Variants in PXDNL observed in about 807,000 individuals in gnomAD.
The protein encoded by PXDNL is peroxidasin like.
In PXDNL, 145 loss-of-function variants were observed where a neutral mutation model predicts 150.8. That is an observed-to-expected ratio of 0.96 (90% CI 0.84 to 1.10). The LOEUF (loss-of-function observed/expected upper bound fraction) is 1.10, where lower values mean the gene tolerates loss of function less well. Among genes scored for constraint, PXDNL ranks in the 50% least tolerant of loss-of-function variants. The probability of loss-of-function intolerance (pLI) is 0.00; values close to 1 mark genes in which losing one functional copy is unlikely to be tolerated. For missense variants in PXDNL, 2,087 were observed against 1,873.9 expected, an observed-to-expected ratio of 1.11 and a Z score of -2.10; for synonymous variants, 757 against 725.7, an observed-to-expected ratio of 1.04 and a Z score of -0.69.
At chr8:51,802,480 T>C (rs188512837) in intron 1 of PXDNL, among the ~76,000 whole-genome samples, 3 of 152,334 alleles carry the variant, frequency 2.0e-5, no homozygotes, top group Non-Finnish European at 4.4e-5. Context: ...TCTGTGAATT[T>C]TTTTTCAGGT....
chr8:51,693,350 C>T (rs1816040654), intron 1 of PXDNL, among the ~76,000 whole-genome samples: 1 of 152,218 alleles, frequency 6.6e-6, no homozygotes, highest in Non-Finnish European at 1.5e-5. Flanking sequence ...ACATTAGGAT[C>T]AGTAGCAATA....
At chr8:51,733,718 G>C (rs988569158) in intron 1 of PXDNL, among the ~76,000 whole-genome samples, 2 of 151,516 alleles carry the variant, frequency 1.3e-5, no homozygotes, top group African/African-American at 4.9e-5. Context: ...TGAGGCAGGA[G>C]AATCACTTGA....
At chr8:51,480,193 C>A (rs1810569277) in intron 6 of PXDNL, among the ~76,000 whole-genome samples, 2 of 152,094 alleles carry the variant, frequency 1.3e-5, no homozygotes, top group Admixed American at 1.3e-4. Context: ...GAAGAGCAAC[C>A]ACAACAAAAG....
intron 5 of PXDNL, among the ~76,000 whole-genome samples, chr8:51,491,275 T>A (rs1585519235): frequency 1.3e-5 from 2 of 152,132 alleles, no homozygotes; most frequent in South Asian, 4.1e-4. Flanking sequence ...CATCTATCTA[T>A]CCTATTAATT....
At chr8:51,521,100 A>G (rs1054797774) in intron 4 of PXDNL, among the ~76,000 whole-genome samples, 5 of 152,032 alleles carry the variant, frequency 3.3e-5, no homozygotes, top group African/African-American at 1.2e-4. Flanking sequence ...AATATTAGCC[A>G]GGCATTGTAT....
chr8:51,514,506 T>A (rs549021850), intron 4 of PXDNL, among the ~76,000 whole-genome samples: 2 of 152,338 alleles, frequency 1.3e-5, no homozygotes, highest in Non-Finnish European at 2.9e-5. Context: ...CATGTTTTGA[T>A]AATTCAAATG....
intron 19 of PXDNL, among the ~76,000 whole-genome samples, chr8:51,366,187 C>T (rs1374619044): frequency 6.6e-6 from 1 of 152,158 alleles, no homozygotes; most frequent in Admixed American, 6.5e-5. Flanking sequence ...TAAGTTTGGC[C>T]TAAAGATGTC....
chr8:51,741,238 T>A (rs964530035), intron 1 of PXDNL, among the ~76,000 whole-genome samples: 2 of 152,190 alleles, frequency 1.3e-5, no homozygotes, highest in Admixed American at 6.5e-5. Context: ...AATTTATCAA[T>A]TTTTTCTAGA....
chr8:51,798,751 A>G (rs1375597147), intron 1 of PXDNL, among the ~76,000 whole-genome samples: 5 of 152,206 alleles, frequency 3.3e-5, no homozygotes, highest in Non-Finnish European at 7.3e-5. Context: ...AAATTAGTTC[A>G]ACCATTGTGG....
In PXDNL at chr8:51,319,823, G is replaced by T; in HGVS notation, c.*68C>A. The T allele has an allele frequency of 7.3e-7, 1 of 1,365,602 alleles. No individual in the cohort carries two copies. Among genetic ancestry groups the T allele is most frequent in the Non-Finnish European group, 9.6e-7 (1 of 1,044,710 alleles). The allele number at this position is 1,365,602 out of a possible 1,614,324, so 84.6% of individuals were successfully genotyped here. ...TCAACAATGTGACTACAAGTTAAAA[G>T]TTCTGAAGTCCTAAATGTCTCTTCC... On this transcript the variant is annotated 3_prime_UTR_variant, in exon 23 of 23. Coordinates refer to ENST00000356297, the MANE Select transcript of PXDNL (RefSeq NM_144651.5).
chr8:51,580,745 A>G (rs879420448), intron 3 of PXDNL, among the ~76,000 whole-genome samples: 1 of 152,192 alleles, frequency 6.6e-6, no homozygotes, highest in East Asian at 1.9e-4. Flanking sequence ...AGAAGGATAC[A>G]ACAGCTATAT....
chr8:51,585,625 G>T (rs150906055), intron 3 of PXDNL, among the ~76,000 whole-genome samples: 2 of 152,244 alleles, frequency 1.3e-5, no homozygotes, highest in Admixed American at 6.5e-5. Context: ...CTGGTTTGGA[G>T]TGAGTAGAAG....
chr8:51,498,529 G>A (rs1811109293), intron 5 of PXDNL, among the ~76,000 whole-genome samples: 1 of 152,034 alleles, frequency 6.6e-6, no homozygotes, highest in Non-Finnish European at 1.5e-5. Context: ...AACAGAAGAA[G>A]GATATCCAAG....
intron 2 of PXDNL, among the ~76,000 whole-genome samples, chr8:51,633,509 C>G (rs1814535423): frequency 6.6e-6 from 1 of 152,162 alleles, no homozygotes; most frequent in African/African-American, 2.4e-5. Context: ...TTCCCACCAA[C>G]AGCATATATG....
chr8:51,508,699 T>C (rs1194706739), intron 4 of PXDNL, among the ~76,000 whole-genome samples: 1 of 152,136 alleles, frequency 6.6e-6, no homozygotes, highest in East Asian at 1.9e-4. Flanking sequence ...ATACCCACAT[T>C]GCACAGCCAG....
At chr8:51,747,584 G>A (rs994703102) in intron 1 of PXDNL, among the ~76,000 whole-genome samples, 1 of 152,104 alleles carries the variant, frequency 6.6e-6, no homozygotes, top group African/African-American at 2.4e-5. Context: ...AGTTGATGCC[G>A]TTTTTTTGAG....
At chr8:51,600,476 T>C (rs951285430) in intron 2 of PXDNL, among the ~76,000 whole-genome samples, 1 of 136,884 alleles carries the variant, frequency 7.3e-6, no homozygotes, top group South Asian at 2.3e-4. Context: ...AAATTATATC[T>C]TATATAAATT....
At chr8:51,792,363 A>C (rs1046036127) in intron 1 of PXDNL, among the ~76,000 whole-genome samples, 1 of 152,172 alleles carries the variant, frequency 6.6e-6, no homozygotes, top group Non-Finnish European at 1.5e-5. Flanking sequence ...AAGAGATGTG[A>C]TGAGTGATAG....
chr8:51,536,775 T>A (rs1812087203), intron 4 of PXDNL, among the ~76,000 whole-genome samples: 1 of 152,142 alleles, frequency 6.6e-6, no homozygotes, highest in Non-Finnish European at 1.5e-5. Context: ...AGAGGTCTGG[T>A]CCCCAACAGT....
Sources: allele counts gnomAD v4.1 joint callset (sites outside exome capture counted in the v4.1 genomes callset), GRCh38; gene constraint gnomAD v4.1.1; transcripts MANE v1.5; gene names NCBI Gene and HGNC (gene_info 2026-07-23, HGNC 2026-07-21).